The following KIAA1217 variants were observed in gnomAD, a reference collection of about 807,000 sequenced individuals.
The protein encoded by KIAA1217 is KIAA1217.
A neutral mutation model predicts 163.9 loss-of-function variants in KIAA1217; 88 were observed. The ratio of observed to expected loss-of-function variants is 0.54; its 90% CI spans 0.45 to 0.64. The LOEUF (loss-of-function observed/expected upper bound fraction) is 0.64, where lower values mean the gene tolerates loss of function less well. Ranked by LOEUF, KIAA1217 falls within the 30% of genes least tolerant of loss-of-function variation. The pLI, the probability that KIAA1217 is intolerant of heterozygous loss-of-function variation, is 0.00. For synonymous variants in KIAA1217, 903 were observed against 923.1 expected, an observed-to-expected ratio of 0.98 and a Z score of 0.39; for missense variants, 2,372 against 2,475.0, an observed-to-expected ratio of 0.96 and a Z score of 0.88.
chr10:23,783,771 C>T (rs755168611), intron 1 of KIAA1217, among the ~76,000 whole-genome samples: 9 of 151,566 alleles, frequency 5.9e-5, no homozygotes, highest in Non-Finnish European at 1.0e-4. Flanking sequence ...CTTTTTGTTT[C>T]TTCCTGATTC....
chr10:24,512,891 T>A (rs114995752), intron 9 of KIAA1217, among the ~76,000 whole-genome samples: 1 of 152,192 alleles, frequency 6.6e-6, no homozygotes, highest in East Asian at 1.9e-4. Flanking sequence ...AGTCTCACAG[T>A]GGGCTAGAGA....
At position 23,954,353 on chromosome 10, in the gene KIAA1217, C is replaced by T. The variant is rs541691916; in HGVS notation, c.-320-52872C>T. ...GCCAAGCTGGGTGGATCTCTTGAGCCCAGGAGTTCAAGACCAGCCTAGGCA... is the reference window on the plus strand; with the variant it reads ...GCCAAGCTGGGTGGATCTCTTGAGCTCAGGAGTTCAAGACCAGCCTAGGCA... On this transcript the variant is annotated intron_variant, in intron 1 of 18. Coordinates refer to the KIAA1217 transcript ENST00000376462. Among the ~76,000 whole-genome samples the T allele has an allele frequency of 5.1e-3, 774 of 152,034 alleles. 8 individuals carry two copies. The highest frequency in any genetic ancestry group is 0.018 in the African/African-American group (744 of 41,462).
chr10:24,309,382 G>A (rs986185310), intron 2 of KIAA1217, among the ~76,000 whole-genome samples: 5 of 151,100 alleles, frequency 3.3e-5, no homozygotes, highest in Non-Finnish European at 7.4e-5. Flanking sequence ...ACACACACGG[G>A]CTTCCATGTT....
chr10:24,346,306 A>C (rs796134207), intron 2 of KIAA1217, among the ~76,000 whole-genome samples: 1 of 151,880 alleles, frequency 6.6e-6, no homozygotes, highest in African/African-American at 2.4e-5. Flanking sequence ...TCTACTAAAA[A>C]ACAAAATACA....
chr10:24,033,724 G>T (rs1029671140), intron 2 of KIAA1217, among the ~76,000 whole-genome samples: 6 of 152,212 alleles, frequency 3.9e-5, no homozygotes, highest in East Asian at 1.9e-4. Flanking sequence ...TGCATACATG[G>T]TTTTAACTGG....
At chr10:24,480,020 T>C (rs2064476314) in intron 6 of KIAA1217, among the ~76,000 whole-genome samples, 1 of 152,154 alleles carries the variant, frequency 6.6e-6, no homozygotes. Flanking sequence ...ACATGAGTTT[T>C]AGTGGGGACA....
intron 1 of KIAA1217, among the ~76,000 whole-genome samples, chr10:24,001,803 C>A (rs1040996780): frequency 6.6e-6 from 1 of 152,184 alleles, no homozygotes; most frequent in African/African-American, 2.4e-5. Flanking sequence ...AGGGCACACT[C>A]TTAGCCACTA....
intron 9 of KIAA1217, among the ~76,000 whole-genome samples, chr10:24,511,793 T>C (rs1356747921): frequency 6.6e-6 from 1 of 152,194 alleles, no homozygotes; most frequent in Non-Finnish European, 1.5e-5. Flanking sequence ...AAGTGATACA[T>C]TTCTATGTGG....
At chr10:23,805,296 G>A (rs1836680849) in intron 1 of KIAA1217, among the ~76,000 whole-genome samples, 1 of 152,102 alleles carries the variant, frequency 6.6e-6, no homozygotes, top group Admixed American at 6.5e-5. Context: ...ACTGTATAAA[G>A]AAAATTTCTT....
intron 1 of KIAA1217, among the ~76,000 whole-genome samples, chr10:23,769,010 G>T (rs926416420): frequency 1.3e-5 from 2 of 152,188 alleles, no homozygotes; most frequent in African/African-American, 4.8e-5. Context: ...CTTGCCTGCT[G>T]CCTAGACAGA....
chr10:24,044,877 C>T lies in KIAA1217; in HGVS notation c.-171+37503C>T, dbSNP rs541506565. Among the ~76,000 whole-genome samples the T allele has an allele frequency of 1.3e-4, 20 of 152,062 alleles. 1 individual carries two copies. In the South Asian group the frequency reaches 3.1e-3, roughly 24 times the overall value. On this transcript the variant is annotated intron_variant, in intron 2 of 18. Coordinates refer to the KIAA1217 transcript ENST00000376462. ...TATGGTCATGGTTATAGTCATAGAA[C>T]GCCCCTTTTTTTCTAGATGCTTTTC...
intron 6 of KIAA1217, among the ~76,000 whole-genome samples, chr10:24,479,763 C>A (rs548181357): frequency 2.9e-4 from 44 of 152,176 alleles, no homozygotes; most frequent in Non-Finnish European, 4.9e-4. Flanking sequence ...CAGAGAAGGT[C>A]AAGGGAGAAG....
At chr10:24,320,518 G>C (rs976058959) in intron 2 of KIAA1217, among the ~76,000 whole-genome samples, 1 of 152,138 alleles carries the variant, frequency 6.6e-6, no homozygotes, top group Non-Finnish European at 1.5e-5. Context: ...TCTTCAGGAG[G>C]CCCCTATTAT....
intron 1 of KIAA1217, among the ~76,000 whole-genome samples, chr10:23,750,315 T>C (rs1839666757): frequency 6.6e-6 from 1 of 152,186 alleles, no homozygotes; most frequent in African/African-American, 2.4e-5. Context: ...GTAACCCAAG[T>C]TTACCTCTTC....
At chr10:24,499,187 G>T (rs1283641119) in intron 8 of KIAA1217, among the ~76,000 whole-genome samples, 1 of 152,198 alleles carries the variant, frequency 6.6e-6, no homozygotes, top group East Asian at 1.9e-4. Flanking sequence ...ATTCTGTAAG[G>T]AAAACTTCCA....
intron 3 of KIAA1217, among the ~76,000 whole-genome samples, chr10:24,382,914 C>T (rs1199083991): frequency 1.4e-5 from 2 of 143,366 alleles, no homozygotes; most frequent in Non-Finnish European, 3.0e-5. Flanking sequence ...ATGGCATGAT[C>T]ATGATTCACT....
chr10:24,028,038 G>A (rs1047351263), intron 2 of KIAA1217, among the ~76,000 whole-genome samples: 2 of 152,064 alleles, frequency 1.3e-5, no homozygotes, highest in Non-Finnish European at 2.9e-5. Flanking sequence ...AAGTGCTTGG[G>A]ACAATGGCTG....
chr10:23,951,522 G>A (rs1200289678), intron 1 of KIAA1217, among the ~76,000 whole-genome samples: 2 of 152,108 alleles, frequency 1.3e-5, no homozygotes, highest in Non-Finnish European at 1.5e-5. Flanking sequence ...GCATGGTGGT[G>A]CACACCTGTA....
At chr10:24,017,051 T>TGG (rs1847513700) in intron 2 of KIAA1217, among the ~76,000 whole-genome samples, 1 of 150,900 alleles carries the variant, frequency 6.6e-6, no homozygotes, top group Non-Finnish European at 1.5e-5. Flanking sequence ...TTTTTTTTTT[T>TGG]TTTTTTTGAT....
Sources: allele counts gnomAD v4.1 joint callset (sites outside exome capture counted in the v4.1 genomes callset), GRCh38; gene constraint gnomAD v4.1.1; transcripts MANE v1.5; gene names NCBI Gene and HGNC (gene_info 2026-07-23, HGNC 2026-07-21).